The following SLC4A4 variants were observed in gnomAD, a reference collection of about 807,000 sequenced individuals.
The protein encoded by SLC4A4 is electrogenic sodium bicarbonate cotransporter 1.
Under a neutral mutation model 111.5 loss-of-function variants are expected in SLC4A4, and 27 were observed. The observed-to-expected ratio is 0.24, with a 90% CI of 0.18 to 0.33. The LOEUF (loss-of-function observed/expected upper bound fraction) is 0.33, where lower values mean the gene tolerates loss of function less well. Among genes scored for constraint, SLC4A4 ranks in the 10% least tolerant of loss-of-function variants. The pLI is 1.00. For missense variants in SLC4A4, 909 were observed against 1,315.5 expected (o/e 0.69, Z 4.78); for synonymous variants, 443 against 463.4 (o/e 0.96, Z 0.57).
intron 5 of SLC4A4, among the ~76,000 whole-genome samples, chr4:71,356,537 T>C (rs1730297006): frequency 6.6e-6 from 1 of 152,206 alleles, no homozygotes; most frequent in Non-Finnish European, 1.5e-5. Flanking sequence ...CCCTTGACTG[T>C]ATTCTATTAT....
intron 2 of SLC4A4, among the ~76,000 whole-genome samples, chr4:71,252,571 C>T (rs1357142359): frequency 1.3e-5 from 2 of 152,190 alleles, no homozygotes; most frequent in South Asian, 2.1e-4. Flanking sequence ...TTGATTTCCT[C>T]TGGCAGTTGT....
chr4:71,451,543 G>T (rs1157467206), intron 11 of SLC4A4, among the ~76,000 whole-genome samples: 1 of 152,154 alleles, frequency 6.6e-6, no homozygotes, highest in African/African-American at 2.4e-5. Context: ...ATGTGGTGAT[G>T]GTTTTATGGG....
At chr4:71,531,307 C>T (rs1381032920) in intron 16 of SLC4A4, among the ~76,000 whole-genome samples, 1 of 152,128 alleles carries the variant, frequency 6.6e-6, no homozygotes, top group African/African-American at 2.4e-5. Flanking sequence ...AGACCTTGTC[C>T]TGACCAGAGA....
At chr4:71,523,241 C>T (rs964568138) in intron 16 of SLC4A4, among the ~76,000 whole-genome samples, 1 of 152,050 alleles carries the variant, frequency 6.6e-6, no homozygotes, top group Admixed American at 6.6e-5. Context: ...ACAAAGCAAA[C>T]GACTCTGCTA....
rs373776508 is a variant in SLC4A4 at position 71,062,891 on chromosome 4, G to T, written c.-65+103G>T. 7.9e-5 allele frequency among the ~76,000 whole-genome samples: 12 copies of T among 152,256 alleles called. No homozygotes were observed. In the East Asian group the frequency reaches 9.7e-4, roughly 12 times the overall value. The stretch of plus-strand genomic sequence containing the variant: ...CTGCCTTAATTAGGGGTGAGGAAGC[G>T]ATGAACCTTCTGTCCTGATTTGATT... On this transcript the variant is annotated intron_variant, in intron 1 of 26. Coordinates refer to the SLC4A4 transcript ENST00000649996.
intron 7 of SLC4A4, among the ~76,000 whole-genome samples, chr4:71,439,435 CAAAAAAAAAAAA>C (rs56283596): frequency 4.7e-4 from 16 of 34,182 alleles, no homozygotes; most frequent in Admixed American, 1.0e-3. Flanking sequence ...GACTCTGTCT[CAAAAAAAAAAAA>C]AAAAAAAAAA....
At chr4:71,404,450 A>C (rs535592778) in intron 7 of SLC4A4, among the ~76,000 whole-genome samples, 1 of 152,334 alleles carries the variant, frequency 6.6e-6, no homozygotes, top group African/African-American at 2.4e-5. Context: ...TAACCAAAGA[A>C]ATTGTAGCTA....
At chr4:71,153,033 G>GTATATA (rs35271982) in intron 2 of SLC4A4, among the ~76,000 whole-genome samples, 1,636 of 132,678 alleles carry the variant, frequency 0.012, 31 homozygotes, top group African/African-American at 0.04. Context: ...ATATGTGTGT[G>GTATATA]TATATATATA....
At chr4:71,192,788 C>G (rs748490252) in intron 1 of SLC4A4, among the ~76,000 whole-genome samples, 1 of 152,308 alleles carries the variant, frequency 6.6e-6, no homozygotes, top group South Asian at 2.1e-4. Context: ...TCCATATAAC[C>G]AGTGCCAAGA....
chr4:71,395,394 T>C (rs867733945), intron 6 of SLC4A4, among the ~76,000 whole-genome samples: 62 of 152,272 alleles, frequency 4.1e-4, no homozygotes, highest in African/African-American at 1.1e-3. Context: ...TCAGAGAAAG[T>C]TAGGAGAGGA....
chr4:71,196,584 A>G (rs894019400), intron 1 of SLC4A4, among the ~76,000 whole-genome samples: 2 of 151,854 alleles, frequency 1.3e-5, no homozygotes, highest in Non-Finnish European at 2.9e-5. Context: ...ATTGTTTCAT[A>G]TGTGTTCATG....
Position 71,126,328 on chromosome 4 carries a change from A to T in SLC4A4, c.-2+33536A>T, listed in dbSNP as rs140989975. ...TTGTAGTGAGCCACATAATTATATAATCAAATTATTCTCATGTTATGTTTT... is the reference window on the plus strand; with the variant it reads ...TTGTAGTGAGCCACATAATTATATATTCAAATTATTCTCATGTTATGTTTT... On this transcript the variant is annotated intron_variant, in intron 2 of 26. Coordinates refer to the SLC4A4 transcript ENST00000649996. Among the ~76,000 whole-genome samples, 41 of 152,320 alleles carry T rather than the reference A, an allele frequency of 2.7e-4. 1 individual carries two copies. The highest frequency in any genetic ancestry group is 9.9e-4 in the African/African-American group (41 of 41,582).
chr4:71,331,290 A>G (rs543571079), intron 3 of SLC4A4, among the ~76,000 whole-genome samples: 1 of 152,334 alleles, frequency 6.6e-6, no homozygotes, highest in East Asian at 1.9e-4. Context: ...ACGTATGTTT[A>G]TTGCGGCACT....
At chr4:71,299,136 T>G (rs1037166197) in intron 3 of SLC4A4, among the ~76,000 whole-genome samples, 13 of 152,178 alleles carry the variant, frequency 8.5e-5, no homozygotes, top group Admixed American at 2.0e-4. Context: ...AGACTCTCAT[T>G]TTTGCTATCC....
chr4:71,392,059 G>A (rs1719340659), intron 6 of SLC4A4, among the ~76,000 whole-genome samples: 2 of 152,054 alleles, frequency 1.3e-5, no homozygotes, highest in Admixed American at 6.6e-5. Flanking sequence ...TCACAAGAAC[G>A]TTGTTAGGAA....
At chr4:71,399,236 C>T (rs1016543473) in intron 7 of SLC4A4, among the ~76,000 whole-genome samples, 1 of 151,894 alleles carries the variant, frequency 6.6e-6, no homozygotes, top group Admixed American at 6.6e-5. Flanking sequence ...ATGACTTGTT[C>T]TTTCTCTTTC....
At chr4:71,199,125 G>A (rs892002462) in intron 1 of SLC4A4, among the ~76,000 whole-genome samples, 5 of 152,128 alleles carry the variant, frequency 3.3e-5, no homozygotes, top group African/African-American at 1.2e-4. Flanking sequence ...ATAATTTCCT[G>A]TTCTTTGATG....
chr4:71,356,367 T>C (rs1040148988), intron 5 of SLC4A4, among the ~76,000 whole-genome samples: 5 of 152,212 alleles, frequency 3.3e-5, no homozygotes, highest in Non-Finnish European at 7.3e-5. Flanking sequence ...AGTTTATACT[T>C]TAAAATGCCC....
chr4:71,246,959 A>G (rs1257056111), intron 2 of SLC4A4, among the ~76,000 whole-genome samples: 1 of 152,044 alleles, frequency 6.6e-6, no homozygotes, highest in Admixed American at 6.6e-5. Flanking sequence ...AAGTGTGATT[A>G]TGTGCTGCTG....
Sources: allele counts gnomAD v4.1 joint callset (sites outside exome capture counted in the v4.1 genomes callset), GRCh38; gene constraint gnomAD v4.1.1; transcripts MANE v1.5; gene names NCBI Gene and HGNC (gene_info 2026-07-23, HGNC 2026-07-21).